SPEF2: variants seen among roughly 807,000 people sequenced by gnomAD.
SPEF2 encodes the protein sperm flagella and cilia-associated protein 2.
SPEF2 carries 187 observed loss-of-function variants against 224.6 expected under a neutral mutation model. That is an observed-to-expected ratio of 0.83 (90% confidence interval 0.74 to 0.94). SPEF2 has a LOEUF of 0.94. Ranked by LOEUF, SPEF2 falls within the 40% of genes least tolerant of loss-of-function variation. The pLI, the probability that SPEF2 is intolerant of heterozygous loss-of-function variation, is 0.00. For synonymous variants in SPEF2, 715 were observed against 707.3 expected (o/e 1.01, Z -0.17); for missense variants, 2,170 against 2,135.6 (o/e 1.02, Z -0.32).
chr5:35,752,399 C>G (rs1235517260), intron 23 of SPEF2, among the ~76,000 whole-genome samples: 1 of 152,088 alleles, frequency 6.6e-6, no homozygotes, highest in Non-Finnish European at 1.5e-5. Context: ...AGCAATCCTC[C>G]CATCTTAGCC....
At chr5:35,717,458 A>G (rs548291636) in intron 20 of SPEF2, among the ~76,000 whole-genome samples, 1 of 152,336 alleles carries the variant, frequency 6.6e-6, no homozygotes, top group African/African-American at 2.4e-5. Context: ...ACTTAAAATA[A>G]TAAATTTAGT....
intron 17 of SPEF2, 131 bp from the exon 18 acceptor site, chr5:35,705,520 A>T (rs1241556285): frequency 1.6e-6 from 1 of 614,598 alleles, no homozygotes; most frequent in African/African-American, 2.0e-5. Flanking sequence ...AATAAATAAC[A>T]TTGTTTCTTT....
chr5:35,703,658 GC>G (rs754046469), intron 16 of SPEF2, among the ~76,000 whole-genome samples: 2 of 152,130 alleles, frequency 1.3e-5, no homozygotes. Flanking sequence ...CCTGACAGCA[GC>G]GAGGTAGCGA....
intron 30 of SPEF2, chr5:35,788,743 A>G (rs1244266607): frequency 4.3e-6 from 3 of 702,934 alleles, no homozygotes; most frequent in South Asian, 1.5e-5. Flanking sequence ...AAATACAACC[A>G]TGTGTACAAA....
chr5:35,807,306 G>A, intron 36 of SPEF2, 53 bp downstream of exon 36: 1 of 1,568,886 alleles, frequency 6.4e-7, no homozygotes, highest in Non-Finnish European at 8.6e-7. Context: ...TTCAGGACAT[G>A]CTAGGATGTT....
rs563765129 is a variant in SPEF2, at chr5:35,753,828, T to A, written c.3468+67T>A. 6.3e-5 allele frequency: 100 copies of A among 1,590,782 alleles called. No homozygotes were observed. In the East Asian group the frequency reaches 2.1e-3, roughly 33 times the overall value. On this transcript the variant is annotated intron_variant, in intron 24 of 36. Coordinates refer to ENST00000356031, the MANE Select transcript of SPEF2 (RefSeq NM_024867.4). ...CAGCCTCATTCCTCAGTCCTTCATA[T>A]GACACTTTCTTGGGAATATGAGAGG...
intron 10 of SPEF2, among the ~76,000 whole-genome samples, chr5:35,682,570 TC>T (rs1752988990): frequency 6.6e-6 from 1 of 152,126 alleles, no homozygotes; most frequent in South Asian, 2.1e-4. Flanking sequence ...GTTCTAGTGA[TC>T]CATGAAGACA....
intron 36 of SPEF2, among the ~76,000 whole-genome samples, chr5:35,808,881 C>CATATATATATAT (rs34389759): frequency 0.033 from 4,762 of 143,154 alleles, 118 homozygotes; most frequent in South Asian, 0.061. Context: ...TTGGGTTTTA[C>CATATATATATAT]ATATATATAT....
intron 18 of SPEF2, among the ~76,000 whole-genome samples, chr5:35,708,184 A>G (rs1261530582): frequency 6.6e-6 from 1 of 152,106 alleles, no homozygotes; most frequent in Non-Finnish European, 1.5e-5. Context: ...TTCAGGTTCA[A>G]TAAATGGTTG....
chr5:35,727,609 T>C (rs1744885930), intron 20 of SPEF2, 66 bp from the exon 21 acceptor site: 1 of 1,360,844 alleles, frequency 7.3e-7, no homozygotes, highest in Non-Finnish European at 1.0e-6. Context: ...TATAGATGTA[T>C]TCATCTACCA....
intron 30 of SPEF2, chr5:35,787,925 C>A: frequency 4.8e-6 from 3 of 618,934 alleles, no homozygotes; most frequent in Non-Finnish European, 8.7e-6. Context: ...GCCGCAGAAG[C>A]TTGACCATTA....
chr5:35,779,162 T>G lies in SPEF2; in HGVS notation c.4263T>G (p.Ser1421=). Reference sequence around the variant, plus strand: ...TAGCTCGCTATCACATTGAAACATCTACAAAAATTCAGAATGAACTTTATT... The same window carrying G: ...TAGCTCGCTATCACATTGAAACATCGACAAAAATTCAGAATGAACTTTATT... ...TDVARYHIET[S]TKIQNELYLS... is the part of the protein sequence containing the mutation. The change falls in exon 30 of 37, where the codon TCT becomes TCG. Residue 1421 remains serine (S), a synonymous_variant. Transcript: ENST00000356031. 6.2e-7 allele frequency: 1 copy of G among 1,613,808 alleles called. No individual in the cohort carries two copies. Among genetic ancestry groups the G allele is most frequent in the Non-Finnish European group, 8.5e-7 (1 of 1,179,846 alleles).
Position 35,737,558 on chromosome 5 carries a change from T to G in SPEF2, c.3064-2361T>G, listed in dbSNP as rs558688512. Among the ~76,000 whole-genome samples the G allele has an allele frequency of 2.6e-3, 402 of 152,214 alleles. 2 individuals are homozygous for G. The highest frequency in any genetic ancestry group is 9.0e-3 in the African/African-American group (376 of 41,548). ...GGACATGAACTCATCATTTTTTATG[T>G]CTGCATAGTATTCCATGGTGTATAT... On this transcript the variant is annotated intron_variant, in intron 21 of 36. Coordinates refer to ENST00000356031, the MANE Select transcript of SPEF2 (RefSeq NM_024867.4).
chr5:35,669,996 C>T (rs1751006998), intron 9 of SPEF2, 63 bp from the exon 10 acceptor site: 6 of 1,263,278 alleles, frequency 4.7e-6, no homozygotes, highest in African/African-American at 1.5e-5. Flanking sequence ...ATAAAAATAC[C>T]AATGTTTAAA....
rs1744600644 is a variant in SPEF2 at position 35,628,547 on chromosome 5, A to T, written c.146A>T (p.Glu49Val). 1 of 1,611,744 alleles carries T rather than the reference A, an allele frequency of 6.2e-7. No individual in the cohort carries two copies. Among genetic ancestry groups the T allele is most frequent in the Non-Finnish European group, 8.5e-7 (1 of 1,178,142 alleles). ...TTTGAACTTCAGGATGATTTTTCAG[A>T]ATTTTTGGACAGCAGGTTAGTGAGA... Reference protein sequence around the residue: ...HKFELQDDFSEFLDSRVSSAK... With the variant: ...HKFELQDDFSVFLDSRVSSAK... Residue 49 changes from glutamate to valine, a missense_variant, in exon 2 of 37, where the codon GAA becomes GTA. Coordinates refer to ENST00000356031, the MANE Select transcript of SPEF2 (RefSeq NM_024867.4).
intron 2 of SPEF2, among the ~76,000 whole-genome samples, chr5:35,630,903 T>C (rs891689759): frequency 6.6e-6 from 1 of 152,060 alleles, no homozygotes; most frequent in African/African-American, 2.4e-5. Context: ...TATAACTCAA[T>C]AGTAAAAAGA....
chr5:35,714,904 GTTTGAT>G (rs1742246107), intron 20 of SPEF2, among the ~76,000 whole-genome samples: 1 of 151,772 alleles, frequency 6.6e-6, no homozygotes, highest in Admixed American at 6.6e-5. Flanking sequence ...AAACAATAAT[GTTTGAT>G]TTTAAGTTGT....
At chr5:35,763,010 A>C (rs1454117083) in intron 25 of SPEF2, among the ~76,000 whole-genome samples, 12 of 152,110 alleles carry the variant, frequency 7.9e-5, no homozygotes, top group Non-Finnish European at 1.5e-4. Context: ...CATTAGTATT[A>C]GTCATGTGTT....
intron 36 of SPEF2, among the ~76,000 whole-genome samples, chr5:35,814,139 G>A (rs1758696739): frequency 6.6e-6 from 1 of 152,108 alleles, no homozygotes; most frequent in African/African-American, 2.4e-5. Context: ...CATTCATAAG[G>A]AAACAATCTT....
Sources: gnomAD v4.1 joint callset for allele counts (sites outside exome capture counted in the v4.1 genomes callset) on GRCh38, gnomAD v4.1.1 for gene constraint, MANE v1.5 for transcripts, NCBI Gene and HGNC (gene_info 2026-07-23, HGNC 2026-07-21) for gene names.